PYM1: variants seen among roughly 807,000 people sequenced by gnomAD.
PYM1 encodes partner of Y14 and mago.
Under a neutral mutation model 20.7 loss-of-function variants are expected in PYM1, and 7 were observed. That is an observed-to-expected ratio of 0.34 (90% confidence interval 0.19 to 0.64). The LOEUF (loss-of-function observed/expected upper bound fraction) is 0.64, where lower values mean the gene tolerates loss of function less well. Among genes scored for constraint, PYM1 ranks in the 30% least tolerant of loss-of-function variants. The pLI, the probability that PYM1 is intolerant of heterozygous loss-of-function variation, is 0.74. For synonymous variants in PYM1, 100 were observed against 99.2 expected, an observed-to-expected ratio of 1.01 and a Z score of -0.05; for missense variants, 194 against 250.0, an observed-to-expected ratio of 0.78 and a Z score of 1.51.
intron 1 of PYM1, among the ~76,000 whole-genome samples, chr12:55,908,863 T>A (rs1028762631): frequency 6.6e-6 from 1 of 150,560 alleles, no homozygotes; most frequent in Non-Finnish European, 1.5e-5. Flanking sequence ...AAAAAAAAAA[T>A]AAAATAAAAC....
intron 1 of PYM1, among the ~76,000 whole-genome samples, chr12:55,905,905 A>T (rs28877359): frequency 0.66 from 42,581 of 64,332 alleles, 14,488 homozygotes; most frequent in Middle Eastern, 0.81. Flanking sequence ...TATATATCTA[A>T]TAGATATATA....
intron 1 of PYM1, among the ~76,000 whole-genome samples, chr12:55,910,287 A>ATATATATATATATATATATAT (rs1177491764): frequency 2.4e-5 from 3 of 123,742 alleles, no homozygotes; most frequent in African/African-American, 9.1e-5. Context: ...ATATATATAT[A>ATATATATATATATATATATAT]AAATTTTTTT....
chr12:55,922,808 A>G (rs1300294080), intron 1 of PYM1, among the ~76,000 whole-genome samples: 2 of 152,200 alleles, frequency 1.3e-5, no homozygotes, highest in East Asian at 1.9e-4. Context: ...GTACTCCTCA[A>G]AACTCAAGGT....
chr12:55,909,745 T>G (rs1226695343), intron 1 of PYM1, among the ~76,000 whole-genome samples: 1 of 152,160 alleles, frequency 6.6e-6, no homozygotes, highest in African/African-American at 2.4e-5. Context: ...ATTCACTAAC[T>G]AGGGAAGGAG....
chr12:55,902,227 G>T lies in PYM1; in HGVS notation c.260C>A (p.Ala87Asp), dbSNP rs1461685990. The T allele has an allele frequency of 1.2e-6, 2 of 1,614,144 alleles. No homozygotes were observed. The highest frequency in any genetic ancestry group is 1.6e-4 in the Middle Eastern group (1 of 6,062). The change falls in exon 3 of 3, where the codon GCC becomes GAC. Residue 87 changes from alanine to aspartate, a missense_variant. Physicochemically the swap from Ala to Asp is moderately radical, Grantham distance 126 (BLOSUM62 -2). This residue lies in a region of PYM1 where 158 missense variants were observed against 179.0 expected (regional missense o/e 0.88). Transcript: ENST00000408946. ...EGGEPGLSKT[A>D]KRNLKRKEKR... ...CTCCTTTCGCTTCAGGTTACGTTTG[G>T]CTGTCTTGGAGAGGCCTGGTTCACC...
rs763307231 is a variant in PYM1, at chr12:55,927,740, C to T, written c.22G>A (p.Ala8Thr). The change falls in exon 1 of 3, where the codon GCG becomes ACG. Residue 8 changes from alanine to threonine, a missense_variant. Ala to Thr is a moderately conservative substitution (Grantham distance 58, BLOSUM62 0). Transcript: ENST00000408946. Reference protein sequence around the residue: MEAAGSPAATETGKYIAS... With the variant: MEAAGSPTATETGKYIAS... ...GGTCGGTCACCTGTCTCCGTAGCCGCAGGGCTGCCGGCAGCTTCCATGGCC... is the reference window on the plus strand; with the variant it reads ...GGTCGGTCACCTGTCTCCGTAGCCGTAGGGCTGCCGGCAGCTTCCATGGCC... 1 of 1,539,902 alleles carries T rather than the reference C, an allele frequency of 6.5e-7. No homozygotes were observed. The highest frequency in any genetic ancestry group is 1.2e-5 in the South Asian group (1 of 83,944).
chr12:55,925,056 G>T (rs1592643232), intron 1 of PYM1, among the ~76,000 whole-genome samples: 1 of 152,214 alleles, frequency 6.6e-6, no homozygotes, highest in East Asian at 1.9e-4. Context: ...TATTGAATCT[G>T]ATAGCTCTGT....
intron 1 of PYM1, among the ~76,000 whole-genome samples, chr12:55,909,251 G>T (rs1349064846): frequency 6.6e-6 from 1 of 152,142 alleles, no homozygotes; most frequent in East Asian, 1.9e-4. Flanking sequence ...GGCTTTGAAG[G>T]AAGAGTCAAA....
intron 1 of PYM1, among the ~76,000 whole-genome samples, chr12:55,909,987 C>T (rs1882891484): frequency 6.6e-6 from 1 of 152,002 alleles, no homozygotes; most frequent in African/African-American, 2.4e-5. Flanking sequence ...ATCCCTTGAG[C>T]CCAGGCATTC....
intron 1 of PYM1, among the ~76,000 whole-genome samples, chr12:55,919,176 A>G (rs947276437): frequency 1.3e-5 from 2 of 152,164 alleles, no homozygotes; most frequent in Admixed American, 6.6e-5. Context: ...CTTTGAGATG[A>G]GGTCACTGTC....
chr12:55,907,430 C>G (rs1174550303), intron 1 of PYM1, among the ~76,000 whole-genome samples: 2 of 141,996 alleles, frequency 1.4e-5, no homozygotes, highest in Non-Finnish European at 3.0e-5. Context: ...GAAACCCTGT[C>G]TCTACATACA....
At chr12:55,917,106 A>G (rs950475862) in intron 1 of PYM1, among the ~76,000 whole-genome samples, 9 of 150,750 alleles carry the variant, frequency 6.0e-5, no homozygotes, top group African/African-American at 2.2e-4. Context: ...TGTCTCAAAA[A>G]TAAAAAAAAA....
chr12:55,905,918 T>A (rs1235611980), intron 1 of PYM1, among the ~76,000 whole-genome samples: 18 of 110,532 alleles, frequency 1.6e-4, no homozygotes, highest in East Asian at 4.6e-4. Flanking sequence ...GATATATATA[T>A]TATTATATAT....
rs772511038 is a variant in PYM1 at position 55,903,468 on chromosome 12, G to A, written c.50C>T (p.Ala17Val). 1.9e-6 allele frequency: 3 copies of A among 1,613,656 alleles called. No individual in the cohort carries two copies. Among genetic ancestry groups the A allele is most frequent in the East Asian group, 2.2e-5 (1 of 44,888 alleles). ...GGTCCCGTCAGGTCGCTGTGTTGAC[G>A]CGATATACTTGCCTAAAATAAGAAA... ...PAATETGKYI[A>V]STQRPDGTWR... Residue 17 changes from alanine to valine, a missense_variant, in exon 2 of 3, where the codon GCG becomes GTG. This residue lies in a region of PYM1 where 17 missense variants were observed against 53.1 expected (regional missense o/e 0.32). Transcript: ENST00000408946.
At position 55,902,063 on chromosome 12, in the gene PYM1, G is replaced by T; in HGVS notation, c.424C>A (p.Pro142Thr). Residue 142 changes from proline (P) to threonine (T), a missense_variant, in exon 3 of 3, where the codon CCT becomes ACT. Physicochemically the swap from Pro to Thr is conservative, Grantham distance 38 (BLOSUM62 -1). Transcript: ENST00000408946. Reference protein sequence around the residue: ...RAAPTAASDQPDSAATTEKAK... With the variant: ...RAAPTAASDQTDSAATTEKAK... ...TTCTCAGTGGTGGCAGCTGAGTCAGGCTGGTCAGATGCAGCTGTGGGGGCT... is the reference window on the plus strand; with the variant it reads ...TTCTCAGTGGTGGCAGCTGAGTCAGTCTGGTCAGATGCAGCTGTGGGGGCT... The T allele has an allele frequency of 5.6e-6, 9 of 1,614,084 alleles. No homozygotes were observed. The highest frequency in any genetic ancestry group is 7.6e-6 in the Non-Finnish European group (9 of 1,180,014).
At chr12:55,925,708 GCAGTTTATTCCTTTTTCTCTTC>G (rs1000578731) in intron 1 of PYM1, among the ~76,000 whole-genome samples, 1 of 152,072 alleles carries the variant, frequency 6.6e-6, no homozygotes, top group African/African-American at 2.4e-5. Context: ...AAACAAAAAA[GCAGTTTATTCCTTTTTCTCTTC>G]CACATAGTCA....
At chr12:55,924,008 G>A (rs377565592) in intron 1 of PYM1, among the ~76,000 whole-genome samples, 2 of 151,712 alleles carry the variant, frequency 1.3e-5, no homozygotes, top group Non-Finnish European at 1.5e-5. Context: ...CCAGGGAGGC[G>A]GAGGTTGCAG....
At chr12:55,911,901 G>C (rs764975721) in intron 1 of PYM1, among the ~76,000 whole-genome samples, 9 of 151,878 alleles carry the variant, frequency 5.9e-5, no homozygotes, top group Non-Finnish European at 1.3e-4. Flanking sequence ...CATCTGATGA[G>C]AACTTATGGT....
At position 55,902,141 on chromosome 12, in the gene PYM1, C is replaced by A; in HGVS notation, c.346G>T (p.Val116Leu). ...AGTTGGGCTGTCTCTTCCAGGGACA[C>A]CTTATCAAGAGTCCTGCTCAAGGCC... ...AEALSRTLDK[V>L]SLEETAQLPS... The change falls in exon 3 of 3, where the codon GTG becomes TTG. Residue 116 changes from valine (V) to leucine (L), a missense_variant. By Grantham distance (32) the Val-to-Leu change is conservative (BLOSUM62 1). Around this residue, in one of 3 missense-constraint regions of PYM1, gnomAD observed 158 missense variants for 179.0 expected, o/e 0.88. Coordinates refer to ENST00000408946, the MANE Select transcript of PYM1 (RefSeq NM_032345.3). 1 of 1,614,146 alleles carries A rather than the reference C, an allele frequency of 6.2e-7. No homozygotes were observed. Among genetic ancestry groups the A allele is most frequent in the Non-Finnish European group, 8.5e-7 (1 of 1,180,036 alleles).
Sources: gnomAD v4.1 joint callset for allele counts (sites outside exome capture counted in the v4.1 genomes callset) on GRCh38, gnomAD v4.1.1 for gene constraint, gnomAD v4.1.1 regional missense constraint, MANE v1.5 for transcripts, NCBI Gene and HGNC (gene_info 2026-07-23, HGNC 2026-07-21) for gene names.